The following RAD51D variants were observed in gnomAD, a reference collection of about 807,000 sequenced individuals.
RAD51D encodes DNA repair protein RAD51 homolog 4.
A neutral mutation model predicts 44.1 loss-of-function variants in RAD51D; 38 were observed. The ratio of observed to expected loss-of-function variants is 0.86; its 90% CI spans 0.67 to 1.13. The LOEUF (loss-of-function observed/expected upper bound fraction) is 1.13. RAD51D is among the 50% of genes most tolerant of loss of function. RAD51D has a pLI of 0.00. For synonymous variants in RAD51D, 141 were observed against 166.6 expected (o/e 0.85, Z 1.18); for missense variants, 390 against 414.0 (o/e 0.94, Z 0.50).
chr17:35,118,132 AT>A (rs1203016665), intron 3 of RAD51D, among the ~76,000 whole-genome samples: 1 of 152,168 alleles, frequency 6.6e-6, no homozygotes, highest in Non-Finnish European at 1.5e-5. Context: ...ACCAGAGGCA[AT>A]TGTGCCTCCC....
chr17:35,118,540 A>C lies in RAD51D; in HGVS notation c.224T>G (p.Leu75Arg). The C allele has an allele frequency of 6.2e-7, 1 of 1,614,172 alleles. No individual in the cohort carries two copies. Among genetic ancestry groups the C allele is most frequent in the Admixed American group, 1.7e-5 (1 of 60,018 alleles). Residue 75 changes from leucine to arginine, a missense_variant, in exon 3 of 10, where the codon CTG becomes CGG. By Grantham distance (102) the Leu-to-Arg change is moderately radical. Coordinates refer to ENST00000345365, the MANE Select transcript of RAD51D (RefSeq NM_002878.4). Reference protein sequence around the residue: ...PVNGADLYEELKTSTAILSTG... With the variant: ...PVNGADLYEERKTSTAILSTG... ...GGACAGGATGGCAGTGGAGGTCTTC[A>C]GTTCCTCGTAGAGATCAGCGCCATT...
In RAD51D at chr17:35,118,494, C is replaced by T. The variant is rs56218020; in HGVS notation, c.263+7G>A. The stretch of plus-strand genomic sequence containing the variant: ...TCTCTCCTTCTTCCCCAAGTACACA[C>T]ACAAACCTGCCAATGCCAGTGGACA... On this transcript the variant is annotated splice_region_variant and intron_variant, in intron 3 of 9. Coordinates refer to ENST00000345365, the MANE Select transcript of RAD51D (RefSeq NM_002878.4). The T allele has an allele frequency of 2.4e-5, 39 of 1,612,320 alleles. No individual in the cohort carries two copies. The Admixed American group carries it at 3.0e-4, about 12-fold the overall frequency.
chr17:35,115,065 G>A (rs1479927050), intron 3 of RAD51D, among the ~76,000 whole-genome samples: 1 of 152,098 alleles, frequency 6.6e-6, no homozygotes, highest in Non-Finnish European at 1.5e-5. Context: ...CTCTCCGACT[G>A]CCCAGAGAAC....
chr17:35,114,229 G>A (rs1337514852), intron 3 of RAD51D, among the ~76,000 whole-genome samples: 1 of 151,930 alleles, frequency 6.6e-6, no homozygotes, highest in African/African-American at 2.4e-5. Context: ...CCGAGATCGC[G>A]CCACTGCACC....
intron 3 of RAD51D, among the ~76,000 whole-genome samples, chr17:35,107,694 G>C (rs1249295458): frequency 1.4e-5 from 2 of 144,422 alleles, no homozygotes; most frequent in African/African-American, 5.1e-5. Flanking sequence ...CACCCCATCA[G>C]AAGGTTCTCC....
chr17:35,118,757 G>A, intron 2 of RAD51D, 138 bp from the exon 3 acceptor site: 1 of 757,764 alleles, frequency 1.3e-6, no homozygotes, highest in East Asian at 2.6e-5. Context: ...TATTGTTGTT[G>A]TTTCAGACAG....
rs565514898 is a variant in RAD51D at position 35,117,142 on chromosome 17, C to T, written c.263+1359G>A. 279 of 1,280,138 alleles carry T rather than the reference C, an allele frequency of 2.2e-4. No individual in the cohort carries two copies. In the African/African-American group the frequency reaches 3.7e-3, roughly 17 times the overall value. The allele number at this position is 1,280,138 out of a possible 1,614,324, so 79.3% of individuals were successfully genotyped here. ...GGTGCTTACAGCTCTCTTGTATTCA[C>T]TTGATTTTCCCCTACACCCAACTAG... On this transcript the variant is annotated intron_variant, in intron 3 of 9. Coordinates refer to ENST00000345365, the MANE Select transcript of RAD51D (RefSeq NM_002878.4).
chr17:35,117,880 G>T (rs933200295), intron 3 of RAD51D, among the ~76,000 whole-genome samples: 1 of 152,154 alleles, frequency 6.6e-6, no homozygotes, highest in East Asian at 1.9e-4. Flanking sequence ...ACATACTCCC[G>T]CGCTTGAGCC....
At chr17:35,112,298 G>C (rs933133349) in intron 3 of RAD51D, among the ~76,000 whole-genome samples, 1 of 152,088 alleles carries the variant, frequency 6.6e-6, no homozygotes, top group Non-Finnish European at 1.5e-5. Flanking sequence ...GGATGGTCTC[G>C]ATCTCCTGAC....
Position 35,103,653 on chromosome 17 carries a change from A to G in RAD51D, c.577-109T>C, listed in dbSNP as rs753336897. On this transcript the variant is annotated intron_variant, in intron 6 of 9. Transcript: ENST00000345365. This position sits in a 1 kb window ranked among gnomAD's most constrained non-coding sequence, Gnocchi z 4.1. The stretch of plus-strand genomic sequence containing the variant: ...TAGTAAGAAATAGCCCCCCCATCCC[A>G]AATACAGCAAGCTGCACGGGCATCA... 113 of 790,886 alleles carry G rather than the reference A, an allele frequency of 1.4e-4. No homozygotes were observed. Among genetic ancestry groups the G allele is most frequent in the Non-Finnish European group, 2.3e-4 (104 of 460,976 alleles). 49.0% of individuals were successfully genotyped at this position (790,886 alleles called of 1,614,324 possible). A position where few individuals can be genotyped will look rare whatever the true frequency, so the allele number is the denominator to read the frequency against.
intron 9 of RAD51D, 60 bp downstream of exon 9, chr17:35,101,141 G>A (rs2142410274): frequency 6.2e-7 from 1 of 1,611,522 alleles, no homozygotes; most frequent in Non-Finnish European, 8.5e-7. Context: ...AGACATCTGT[G>A]GGTATGGAAA....
At position 35,100,788 on chromosome 17, in the gene RAD51D, T is replaced by C. The variant is rs548862590; in HGVS notation, c.*165A>G. ...AGCATCCTCTTTCGCCTGTGGTTTA[T>C]ATGCTTACAGAGAGTGAGGCCAAGG... On this transcript the variant is annotated 3_prime_UTR_variant, in exon 10 of 10. Transcript: ENST00000345365. 14 of 712,568 alleles carry C rather than the reference T, an allele frequency of 2.0e-5. No individual in the cohort carries two copies. The African/African-American group carries it at 2.4e-4, about 12-fold the overall frequency. The allele number at this position is 712,568 out of a possible 1,614,324, so 44.1% of individuals were successfully genotyped here.
chr17:35,116,178 C>A (rs969095453), intron 3 of RAD51D, among the ~76,000 whole-genome samples: 1 of 152,176 alleles, frequency 6.6e-6, no homozygotes, highest in African/African-American at 2.4e-5. Context: ...TCCTCTTCAA[C>A]ATGTCTCCCA....
chr17:35,104,700 C>T (rs1283937648), intron 6 of RAD51D, among the ~76,000 whole-genome samples: 2 of 152,186 alleles, frequency 1.3e-5, no homozygotes, highest in Non-Finnish European at 1.5e-5. Flanking sequence ...ATCTTTCTAA[C>T]CATAATTTTC....
At chr17:35,102,535 C>T (rs922610609) in intron 8 of RAD51D, among the ~76,000 whole-genome samples, 10 of 150,496 alleles carry the variant, frequency 6.6e-5, no homozygotes, top group Non-Finnish European at 1.5e-4. Context: ...GAGGCTGAGG[C>T]GGGTGGATTG....
intron 3 of RAD51D, among the ~76,000 whole-genome samples, chr17:35,110,917 C>A (rs1465881505): frequency 2.0e-5 from 3 of 151,850 alleles, no homozygotes; most frequent in East Asian, 1.9e-4. Flanking sequence ...ACCAGCCTGG[C>A]CAACATGGTG....
intron 6 of RAD51D, chr17:35,105,081 A>G (rs995337801): frequency 1.3e-5 from 2 of 152,218 alleles, no homozygotes; most frequent in Non-Finnish European, 2.9e-5. Flanking sequence ...ATGGTCCTAC[A>G]GTAAAAAATA....
Position 35,106,438 on chromosome 17 carries a change from AT to A in RAD51D, c.523del (p.Ile175SerfsTer19). 2 of 1,613,430 alleles carry A rather than the reference AT, an allele frequency of 1.2e-6. No individual in the cohort carries two copies. The highest frequency in any genetic ancestry group is 2.7e-5 in the African/African-American group (2 of 75,040). ...CTGCAGCACATCCAGCATCTGGAAG[AT>A]GTCAAATGCATGCACCACCTGGATC... ...RRIQVVHAFD[I>X]FQMLDVLQEL... On this transcript the variant is annotated frameshift_variant, in exon 6 of 10. Coordinates refer to ENST00000345365, the MANE Select transcript of RAD51D (RefSeq NM_002878.4). LOFTEE classifies it high-confidence loss of function.
At chr17:35,118,693 A>G in intron 2 of RAD51D, 74 bp from the exon 3 acceptor site, 1 of 1,085,686 alleles carries the variant, frequency 9.2e-7, no homozygotes, top group Admixed American at 1.7e-5. Flanking sequence ...CATTCACCCT[A>G]CTTCTCAATA....
Sources: allele counts gnomAD v4.1 joint callset (sites outside exome capture counted in the v4.1 genomes callset), GRCh38; gene constraint gnomAD v4.1.1; non-coding constraint Gnocchi (gnomAD v3.1); transcripts MANE v1.5; gene names NCBI Gene and HGNC (gene_info 2026-07-23, HGNC 2026-07-21).